The following MTFR1 variants were observed in gnomAD, a reference collection of about 807,000 sequenced individuals.
MTFR1 encodes the protein chondrocyte protein with a poly-proline region.
A neutral mutation model predicts 38.8 loss-of-function variants in MTFR1; 28 were observed. The ratio of observed to expected loss-of-function variants is 0.72; its 90% confidence interval spans 0.53 to 0.99. The LOEUF (loss-of-function observed/expected upper bound fraction) is 0.99, where lower values mean the gene tolerates loss of function less well. Ranked by LOEUF, MTFR1 falls within the 50% of genes least tolerant of loss-of-function variation. The pLI is 0.00. For missense variants in MTFR1, 358 were observed against 395.5 expected, an observed-to-expected ratio of 0.91 and a Z score of 0.81; for synonymous variants, 145 against 137.0, an observed-to-expected ratio of 1.06 and a Z score of -0.41.
chr8:65,770,618 C>T (rs867687561), intron 3 of MTFR1, among the ~76,000 whole-genome samples: 1 of 152,146 alleles, frequency 6.6e-6, no homozygotes, highest in Non-Finnish European at 1.5e-5. Context: ...TGAATAACAC[C>T]ATAACTTAAT....
chr8:65,772,364 T>C (rs1241996497), downstream of MTFR1, among the ~76,000 whole-genome samples: 2 of 152,218 alleles, frequency 1.3e-5, no homozygotes, highest in Non-Finnish European at 2.9e-5. Flanking sequence ...AGAGGGCACA[T>C]TATAGTCTTT....
chr8:65,697,660 G>T (rs1472796327), intron 4 of MTFR1, among the ~76,000 whole-genome samples: 2 of 152,174 alleles, frequency 1.3e-5, no homozygotes, highest in East Asian at 3.8e-4. Context: ...GAGTGCAGTT[G>T]CTGGGTCAAA....
At chr8:65,669,654 C>G (rs1194374399) in intron 1 of MTFR1, among the ~76,000 whole-genome samples, 1 of 151,900 alleles carries the variant, frequency 6.6e-6, no homozygotes, top group Non-Finnish European at 1.5e-5. Flanking sequence ...TGGGTTCAAG[C>G]GATTCTCCTG....
At chr8:65,691,913 A>G (rs1025816144) in intron 3 of MTFR1, among the ~76,000 whole-genome samples, 1 of 152,242 alleles carries the variant, frequency 6.6e-6, no homozygotes, top group African/African-American at 2.4e-5. Context: ...AGTTTTATTC[A>G]TAATATTACA....
At chr8:65,678,438 A>C (rs1485545776) in intron 2 of MTFR1, among the ~76,000 whole-genome samples, 1 of 152,174 alleles carries the variant, frequency 6.6e-6, no homozygotes, top group African/African-American at 2.4e-5. Context: ...ACAGACCCTT[A>C]TTTGATATTT....
intron 3 of MTFR1, chr8:65,720,736 C>CT: frequency 6.6e-6 from 1 of 152,312 alleles, no homozygotes. Flanking sequence ...CCTCAAGGAG[C>CT]TTATGTTCTG....
At chr8:65,754,606 G>A (rs1585875670) in intron 3 of MTFR1, among the ~76,000 whole-genome samples, 1 of 150,978 alleles carries the variant, frequency 6.6e-6, no homozygotes, top group African/African-American at 2.4e-5. Context: ...AAAGTGCTGG[G>A]ATTACAGGCT....
At chr8:65,772,123 C>T (rs1461387143), downstream of MTFR1, among the ~76,000 whole-genome samples, 7 of 151,974 alleles carry the variant, frequency 4.6e-5, no homozygotes, top group East Asian at 9.6e-4. Flanking sequence ...CAGAAAGAGA[C>T]AACAATTTTA....
intron 3 of MTFR1, among the ~76,000 whole-genome samples, chr8:65,768,184 G>A (rs1808892519): frequency 6.6e-6 from 1 of 152,096 alleles, no homozygotes; most frequent in South Asian, 2.1e-4. Context: ...CAGTTTGAGG[G>A]TTTTTCCTAC....
At chr8:65,681,676 T>TG (rs1275049909) in intron 2 of MTFR1, among the ~76,000 whole-genome samples, 17 of 151,494 alleles carry the variant, frequency 1.1e-4, no homozygotes, top group African/African-American at 3.1e-4. Flanking sequence ...TTTTTGTTTT[T>TG]TTTTTTTTTT....
rs1286998830 is a variant in MTFR1, at chr8:65,721,559, C to T, written c.*48+2078C>T. Among the ~76,000 whole-genome samples, 6 of 152,122 alleles carry T rather than the reference C, an allele frequency of 3.9e-5. No individual in the cohort carries two copies. The East Asian group carries it at 1.2e-3, about 29-fold the overall frequency. ...CAACAATCACCATCAGATCAGTGAC[C>T]TTATCCCTGACAACCCATTCTAGAT... is the stretch of plus-strand genomic sequence containing the variant. On this transcript the variant is annotated intron_variant, in intron 3 of 3. Coordinates refer to the MTFR1 transcript ENST00000521247.
intron 3 of MTFR1, among the ~76,000 whole-genome samples, chr8:65,746,762 T>G (rs1353467292): frequency 6.6e-6 from 1 of 152,186 alleles, no homozygotes; most frequent in Non-Finnish European, 1.5e-5. Context: ...AAGGCAGAAC[T>G]TGTAAACATT....
downstream of MTFR1, among the ~76,000 whole-genome samples, chr8:65,712,048 C>T (rs1335766509): frequency 1.3e-5 from 2 of 152,194 alleles, no homozygotes; most frequent in Non-Finnish European, 2.9e-5. Flanking sequence ...CTCTTCATAA[C>T]AAGATTTTAA....
rs113748412 is a variant in MTFR1 at position 65,661,964 on chromosome 8, AAAAC to A, written c.-80-7893_-80-7890del. Reference sequence around the variant, plus strand: ...GGGCAACAGAGCAAGAGTCCGTCTCAAAACAAACAAACAAACAAAAAGAGCAAAA... The same window carrying A: ...GGGCAACAGAGCAAGAGTCCGTCTCAAAACAAACAAACAAAAAGAGCAAAA... On this transcript the variant is annotated intron_variant, in intron 1 of 7. Transcript: ENST00000262146. 1.4e-3 allele frequency among the ~76,000 whole-genome samples: 218 copies of A among 151,830 alleles called. 3 individuals are homozygous for A. The East Asian group carries it at 0.021, about 15-fold the overall frequency.
At chr8:65,675,099 T>C (rs1804674405) in intron 2 of MTFR1, among the ~76,000 whole-genome samples, 1 of 152,170 alleles carries the variant, frequency 6.6e-6, no homozygotes, top group African/African-American at 2.4e-5. Flanking sequence ...GAGACCAGCC[T>C]GACCAACATA....
At chr8:65,758,455 G>A (rs1321857224) in intron 3 of MTFR1, among the ~76,000 whole-genome samples, 2 of 152,118 alleles carry the variant, frequency 1.3e-5, no homozygotes, top group Admixed American at 1.3e-4. Flanking sequence ...CCCTTGGCAA[G>A]AATTTATAGT....
chr8:65,733,076 T>C lies in MTFR1; in HGVS notation c.*48+13595T>C, dbSNP rs148630044. ...AGGGAAATGCCTGCATTGTAGGGCT[T>C]TGTGATTTTATCTATATCCTTAATT... is the stretch of plus-strand genomic sequence containing the variant. On this transcript the variant is annotated intron_variant, in intron 3 of 3. Coordinates refer to the MTFR1 transcript ENST00000521247. Among the ~76,000 whole-genome samples, 9 of 152,294 alleles carry C rather than the reference T, an allele frequency of 5.9e-5. No homozygotes were observed. In the East Asian group the frequency reaches 1.7e-3, roughly 29 times the overall value.
intron 3 of MTFR1, among the ~76,000 whole-genome samples, chr8:65,770,466 A>G (rs946781502): frequency 6.6e-6 from 1 of 152,180 alleles, no homozygotes. Flanking sequence ...CCACGAGAAC[A>G]GTATGGGGGA....
At chr8:65,739,480 T>A (rs1807305342) in intron 3 of MTFR1, 1 of 1,534,840 alleles carries the variant, frequency 6.5e-7, no homozygotes, top group Admixed American at 2.4e-5. Flanking sequence ...CTTGTTACTG[T>A]TAATGGGTTA....
Sources: allele counts gnomAD v4.1 joint callset (sites outside exome capture counted in the v4.1 genomes callset), GRCh38; gene constraint gnomAD v4.1.1; transcripts MANE v1.5; gene names NCBI Gene and HGNC (gene_info 2026-07-23, HGNC 2026-07-21).